POP1: variants seen among roughly 807,000 people sequenced by gnomAD.
The protein encoded by POP1 is POP1 ribonuclease P/MRP subunit.
In POP1, 75 loss-of-function variants were observed where a neutral mutation model predicts 102.2. The observed-to-expected ratio is 0.73, with a 90% CI of 0.61 to 0.89. The LOEUF (loss-of-function observed/expected upper bound fraction) is 0.89. POP1 is among the 40% of genes least tolerant of loss of function. The pLI, the probability that POP1 is intolerant of heterozygous loss-of-function variation, is 0.00. For synonymous variants in POP1, 436 were observed against 464.1 expected (o/e 0.94, Z 0.78); for missense variants, 1,116 against 1,267.4 (o/e 0.88, Z 1.81).
In POP1 at chr8:98,159,757, A is replaced by T. The variant is rs1362421261; in HGVS notation, c.*1486A>T. 6.7e-6 allele frequency: 1 copy of T among 149,832 alleles called. No individual in the cohort carries two copies. The highest frequency in any genetic ancestry group is 2.5e-5 in the African/African-American group (1 of 39,636). 9.3% of individuals were successfully genotyped at this position (149,832 alleles called of 1,614,324 possible). A position where few individuals can be genotyped will look rare whatever the true frequency, so the allele number is the denominator to read the frequency against. ...CATGCCTCTGAATGTCTTTGGATCC[A>T]ACCCAGATGAGACTGAAAAAAAAAA... On this transcript the variant is annotated 3_prime_UTR_variant, in exon 16 of 16. Coordinates refer to ENST00000401707, the MANE Select transcript of POP1 (RefSeq NM_001145860.2).
At chr8:98,127,864 C>CCT in intron 3 of POP1, 102 bp downstream of exon 3, 1 of 1,197,534 alleles carries the variant, frequency 8.4e-7, no homozygotes, top group Non-Finnish European at 1.2e-6. Flanking sequence ...GCCTCCCCTA[C>CCT]CTCTCCTCTC....
intron 1 of POP1, among the ~76,000 whole-genome samples, chr8:98,119,478 T>G (rs1347151387): frequency 1.3e-5 from 2 of 152,192 alleles, no homozygotes; most frequent in Non-Finnish European, 2.9e-5. Flanking sequence ...TATTTGAAGA[T>G]TTGGCGAAAA....
At chr8:98,134,080 T>G in intron 6 of POP1, 44 bp downstream of exon 6, 1 of 1,402,110 alleles carries the variant, frequency 7.1e-7, no homozygotes, top group South Asian at 1.2e-5. Flanking sequence ...TCTATGTATA[T>G]TTATTCATTT....
At position 98,136,472 on chromosome 8, in the gene POP1, A is replaced by C. The variant is rs770223295; in HGVS notation, c.1012-10A>C. On this transcript the variant is annotated splice_polypyrimidine_tract_variant and intron_variant, in intron 7 of 15. Coordinates refer to ENST00000401707, the MANE Select transcript of POP1 (RefSeq NM_001145860.2). ...AAGATTTTAAAGTGAATGTTTAAAT[A>C]TATTTTTAGGATATCTTAGAGGAAA... is the stretch of plus-strand genomic sequence containing the variant. 4 of 1,599,348 alleles carry C rather than the reference A, an allele frequency of 2.5e-6. No individual in the cohort carries two copies. Among genetic ancestry groups the C allele is most frequent in the Middle Eastern group, 1.7e-4 (1 of 5,888 alleles).
intron 12 of POP1, among the ~76,000 whole-genome samples, chr8:98,148,544 A>G (rs1809420945): frequency 6.6e-6 from 1 of 152,334 alleles, no homozygotes; most frequent in East Asian, 1.9e-4. Flanking sequence ...AACATACAAG[A>G]TTAATCTTGA....
Position 98,134,604 on chromosome 8 carries a change from G to A in POP1, c.956G>A (p.Gly319Asp). The A allele has an allele frequency of 6.2e-7, 1 of 1,614,128 alleles. No individual in the cohort carries two copies. Among genetic ancestry groups the A allele is most frequent in the East Asian group, 2.2e-5 (1 of 44,886 alleles). ...ATCTGGAAGTCCCAGAGGACCCCGG[G>A]TGACCCTTCTGAGAGCAGGCAGCTG... ...TFIWKSQRTP[G>D]DPSESRQLWI... Residue 319 changes from glycine (G) to aspartate (D), a missense_variant, in exon 7 of 16, where the codon GGT becomes GAT. By Grantham distance (94) the Gly-to-Asp change is moderately conservative. Coordinates refer to ENST00000401707, the MANE Select transcript of POP1 (RefSeq NM_001145860.2).
intron 14 of POP1, 69 bp downstream of exon 14, chr8:98,150,708 C>A: frequency 1.4e-6 from 2 of 1,460,372 alleles, no homozygotes; most frequent in African/African-American, 1.4e-5. Flanking sequence ...ATATTGGTAT[C>A]CCAAACATTA....
rs746766891 is a variant in POP1, at chr8:98,133,990, G to T, written c.777G>T (p.Glu259Asp). 1.2e-6 allele frequency: 2 copies of T among 1,613,702 alleles called. No homozygotes were observed. The highest frequency in any genetic ancestry group is 8.5e-7 in the Non-Finnish European group (1 of 1,179,636). Reference protein sequence around the residue: ...YYCCLELKGKEEEILKALSGM... With the variant: ...YYCCLELKGKDEEILKALSGM... ...GTTGTTTGGAGTTGAAAGGCAAAGAGGAAGAAATACTAAAGGCGCTTTCTG... is the reference window on the plus strand; with the variant it reads ...GTTGTTTGGAGTTGAAAGGCAAAGATGAAGAAATACTAAAGGCGCTTTCTG... Residue 259 changes from glutamate to aspartate, a missense_variant, in exon 6 of 16, where the codon GAG becomes GAT. Transcript: ENST00000401707.
chr8:98,140,249 C>A, intron 10 of POP1, 60 bp downstream of exon 10: 2 of 1,350,208 alleles, frequency 1.5e-6, no homozygotes, highest in East Asian at 2.3e-5. Flanking sequence ...GAGCCTTTTG[C>A]AGTTGGGCCT....
chr8:98,141,020 C>T (rs1171807811), intron 11 of POP1, 132 bp downstream of exon 11: 5 of 1,043,958 alleles, frequency 4.8e-6, no homozygotes, highest in South Asian at 4.0e-5. Context: ...TCCTTACCTG[C>T]CCACTTTACA....
rs377722061 is a variant in POP1 at position 98,130,595 on chromosome 8, A to T, written c.735+369A>T. On this transcript the variant is annotated intron_variant, in intron 5 of 15. Coordinates refer to ENST00000401707, the MANE Select transcript of POP1 (RefSeq NM_001145860.2). ...AAGCCAGGTGAGAGTGAAGAACTGGAATCAATTCTGTGTGACAGAGAAGAA... is the reference window on the plus strand; with the variant it reads ...AAGCCAGGTGAGAGTGAAGAACTGGTATCAATTCTGTGTGACAGAGAAGAA... Among the ~76,000 whole-genome samples the T allele has an allele frequency of 1.3e-3, 205 of 152,304 alleles. 8 individuals carry two copies. The South Asian group carries it at 0.041, about 30-fold the overall frequency.
rs748242967 is a variant in POP1, at chr8:98,136,869, C to T, written c.1277C>T (p.Thr426Met). Reference protein sequence around the residue: ...PTTGIIISDLTMEMNRFRLIG... With the variant: ...PTTGIIISDLMMEMNRFRLIG... ...TGTTCTTTCTTTTTCAGCGATTTGA[C>T]GATGGAGATGAACAGATTCCGGCTG... Residue 426 changes from threonine (T) to methionine (M), a missense_variant, in exon 9 of 16, where the codon ACG becomes ATG. Physicochemically the swap from Thr to Met is moderately conservative, Grantham distance 81. Coordinates refer to ENST00000401707, the MANE Select transcript of POP1 (RefSeq NM_001145860.2). 9.3e-6 allele frequency: 15 copies of T among 1,613,500 alleles called. No individual in the cohort carries two copies. The highest frequency in any genetic ancestry group is 3.3e-5 in the South Asian group (3 of 91,080).
At position 98,157,776 on chromosome 8, in the gene POP1, C is replaced by T; in HGVS notation, c.2580C>T (p.Ser860=). Residue 860 remains serine, a synonymous_variant, in exon 16 of 16, where the codon AGC becomes AGT. Coordinates refer to ENST00000401707, the MANE Select transcript of POP1 (RefSeq NM_001145860.2). ...TCCCCAGGGCCCTGGTTTGGGTCAGCCTGTCCCTGCTCAGCAAGGGCAGCC... is the reference window on the plus strand; with the variant it reads ...TCCCCAGGGCCCTGGTTTGGGTCAGTCTGTCCCTGCTCAGCAAGGGCAGCC... ...GHFPRALVWV[S]LSLLSKGSPE... The T allele has an allele frequency of 1.9e-6, 3 of 1,614,222 alleles. No individual in the cohort carries two copies. Among genetic ancestry groups the T allele is most frequent in the Non-Finnish European group, 2.5e-6 (3 of 1,180,046 alleles).
intron 6 of POP1, among the ~76,000 whole-genome samples, chr8:98,134,260 G>A (rs1331153399): frequency 6.6e-6 from 1 of 152,186 alleles, no homozygotes; most frequent in African/African-American, 2.4e-5. Context: ...CTGGTGGAGT[G>A]AACTTGACAG....
rs1809443170 is a variant in POP1, at chr8:98,149,023, T to G, written c.1902+17T>G. 6.3e-7 allele frequency: 1 copy of G among 1,598,294 alleles called. No homozygotes were observed. Among genetic ancestry groups the G allele is most frequent in the African/African-American group, 1.3e-5 (1 of 74,624 alleles). ...ATTCCATTTGTAAGTTACTTTTTGATTCTAACAGTTGCAATATTTAAAATA... is the reference window on the plus strand; with the variant it reads ...ATTCCATTTGTAAGTTACTTTTTGAGTCTAACAGTTGCAATATTTAAAATA... On this transcript the variant is annotated intron_variant, in intron 13 of 15. Transcript: ENST00000401707.
In POP1 at chr8:98,140,873, C is replaced by A. The variant is rs1201625703; in HGVS notation, c.1579C>A (p.Pro527Thr). 1.2e-6 allele frequency: 2 copies of A among 1,613,976 alleles called. No homozygotes were observed. Among genetic ancestry groups the A allele is most frequent in the South Asian group, 2.2e-5 (2 of 91,070 alleles). Residue 527 changes from proline (P) to threonine (T), a missense_variant, in exon 11 of 16, where the codon CCA becomes ACA. Physicochemically the swap from Pro to Thr is conservative, Grantham distance 38 (BLOSUM62 -1). Coordinates refer to ENST00000401707, the MANE Select transcript of POP1 (RefSeq NM_001145860.2). ...PQKKSKALPN[P>T]EKCQDNEKVR... ...AAAGAAGTCCAAAGCTTTGCCCAAT[C>A]CAGAAAAATGCCAAGGTAAAGTTCC...
Position 98,157,966 on chromosome 8 carries a change from G to T in POP1, c.2770G>T (p.Gly924Ter). The change falls in exon 16 of 16, where the codon GGA becomes TGA. Residue 924 changes from glycine (G) to a stop codon, truncating the protein, a stop_gained. Transcript: ENST00000401707. LOFTEE classifies it low-confidence loss of function (END_TRUNC). ...GAAAAGGGAGAAGAGGCAGAAGCCA[G>T]GACGTGCCTCTTCTGATGGCCCGGC... ...KKKREKRQKP[G>*]RASSDGPAGE... The T allele has an allele frequency of 1.2e-6, 2 of 1,613,658 alleles. No individual in the cohort carries two copies. The highest frequency in any genetic ancestry group is 4.5e-5 in the East Asian group (2 of 44,890).
chr8:98,134,534 C>T lies in POP1; in HGVS notation c.886C>T (p.Arg296Trp), dbSNP rs781108420. The T allele has an allele frequency of 8.1e-6, 13 of 1,614,066 alleles. No individual in the cohort carries two copies. The highest frequency in any genetic ancestry group is 6.7e-5 in the African/African-American group (5 of 74,928). The change falls in exon 7 of 16, where the codon CGG (arginine) becomes TGG (tryptophan). Residue 296 changes from arginine (R) to tryptophan (W), a missense_variant. Arg to Trp is a moderately radical substitution (Grantham distance 101). Coordinates refer to ENST00000401707, the MANE Select transcript of POP1 (RefSeq NM_001145860.2). Reference sequence around the variant, plus strand: ...GCGCCAAGGGAGCCTTGTGCTTTATCGGGTGAATAAATATCCCAGAGAAAT... The same window carrying T: ...GCGCCAAGGGAGCCTTGTGCTTTATTGGGTGAATAAATATCCCAGAGAAAT... ...GKRQGSLVLY[R>W]VNKYPREMLG...
In POP1 at chr8:98,155,909, TTGTGTGTGTGTG is replaced by T. The variant is rs58936294; in HGVS notation, c.2058-105_2058-94del. On this transcript the variant is annotated intron_variant, in intron 14 of 15. Coordinates refer to ENST00000401707, the MANE Select transcript of POP1 (RefSeq NM_001145860.2). ...TTATCATATGTTTCTTGGAAAGCTT[TTGTGTGTGTGTG>T]TGTGTGTGTGTGTGTGTGTGTGTGT... is the stretch of plus-strand genomic sequence containing the variant. The T allele has an allele frequency of 8.9e-3, 4,600 of 519,402 alleles. 31 individuals carry two copies. The highest frequency in any genetic ancestry group is 0.047 in the South Asian group (2,536 of 53,830). The allele number at this position is 519,402 out of a possible 1,614,324, so 32.2% of individuals were successfully genotyped here.
Sources: gnomAD v4.1 joint callset for allele counts (sites outside exome capture counted in the v4.1 genomes callset) on GRCh38, gnomAD v4.1.1 for gene constraint, MANE v1.5 for transcripts, NCBI Gene and HGNC (gene_info 2026-07-23, HGNC 2026-07-21) for gene names.